Variants in CSPG5 observed in about 807,000 individuals in gnomAD.
The protein encoded by CSPG5 is acidic leucine-rich EGF-like domain-containing brain protein.
Under a neutral mutation model 39.8 loss-of-function variants are expected in CSPG5, and 25 were observed. The ratio of observed to expected loss-of-function variants is 0.63; its 90% CI spans 0.46 to 0.88. The LOEUF (loss-of-function observed/expected upper bound fraction) is 0.88, where lower values mean the gene tolerates loss of function less well. Among genes scored for constraint, CSPG5 ranks in the 40% least tolerant of loss-of-function variants. The probability of loss-of-function intolerance (pLI) is 0.00; values close to 1 mark genes in which losing one functional copy is unlikely to be tolerated. For missense variants in CSPG5, 627 were observed against 702.2 expected (o/e 0.89, Z 1.21); for synonymous variants, 295 against 303.9 (o/e 0.97, Z 0.31).
chr3:47,574,755 C>T (rs1003177709), intron 2 of CSPG5, among the ~76,000 whole-genome samples: 5 of 152,010 alleles, frequency 3.3e-5, no homozygotes, highest in Admixed American at 6.6e-5. Context: ...CTGGCTAACA[C>T]AGTGAAATCC....
Position 47,577,623 on chromosome 3 carries a change from C to A in CSPG5, c.403G>T (p.Gly135Trp), listed in dbSNP as rs1416588099. 1.9e-6 allele frequency: 3 copies of A among 1,610,706 alleles called. No individual in the cohort carries two copies. The highest frequency in any genetic ancestry group is 2.2e-5 in the South Asian group (2 of 90,934). Residue 135 changes from glycine to tryptophan, a missense_variant, in exon 2 of 5, where the codon GGG becomes TGG. Gly to Trp is a radical substitution (Grantham distance 184, BLOSUM62 -2). Transcript: ENST00000264723. This position sits in a 1 kb window ranked among gnomAD's most constrained non-coding sequence, Gnocchi z 4.7. ...ATLQAPHEVL[G>W]QSIMPPAIPE... is the part of the protein sequence containing the mutation. ...ATGGCAGGGGGCATGATTGACTGCC[C>A]GAGGACCTCGTGGGGAGCCTGGAGC... is the stretch of plus-strand genomic sequence containing the variant.
chr3:47,573,664 C>G (rs1049474567), intron 2 of CSPG5, among the ~76,000 whole-genome samples: 2 of 152,146 alleles, frequency 1.3e-5, no homozygotes, highest in Non-Finnish European at 2.9e-5. Flanking sequence ...TGGAAGGATA[C>G]AGAGGCAGGC....
chr3:47,569,237 A>G lies in CSPG5; in HGVS notation c.1383-10T>C. Reference sequence around the variant, plus strand: ...TGGGGTCCGGAATTTGCTGGTTAGGAGAGAAGAGTGAAGGAAACATGTAAG... The same window carrying G: ...TGGGGTCCGGAATTTGCTGGTTAGGGGAGAAGAGTGAAGGAAACATGTAAG... On this transcript the variant is annotated splice_polypyrimidine_tract_variant and intron_variant, in intron 3 of 4. Transcript: ENST00000264723. 1 of 1,612,924 alleles carries G rather than the reference A, an allele frequency of 6.2e-7. No individual in the cohort carries two copies. Among genetic ancestry groups the G allele is most frequent in the Non-Finnish European group, 8.5e-7 (1 of 1,179,152 alleles).
At chr3:47,563,704 C>T (rs1202277852) in intron 4 of CSPG5, among the ~76,000 whole-genome samples, 2 of 152,056 alleles carry the variant, frequency 1.3e-5, no homozygotes, top group African/African-American at 4.8e-5. Context: ...TATAGGCGCT[C>T]GTGACCATGC....
chr3:47,564,032 C>A (rs1161220621), intron 4 of CSPG5, among the ~76,000 whole-genome samples: 12 of 152,172 alleles, frequency 7.9e-5, no homozygotes, highest in Non-Finnish European at 1.5e-4. Flanking sequence ...TCTGGTGCCC[C>A]AAATAGCTGT....
In CSPG5 at chr3:47,577,858, G is replaced by A. The variant is rs1339867919; in HGVS notation, c.168C>T (p.Ala56=). Residue 56 remains alanine, a synonymous_variant, in exon 2 of 5, where the codon GCC becomes GCT. Transcript: ENST00000264723. The surrounding 1 kb of genome is among the most constrained non-coding windows in gnomAD (Gnocchi z 4.7). ...VKGSPAWEPP[A]NDTREEAGPP... Reference sequence around the variant, plus strand: ...GGCCGGCTTCTTCCCGCGTGTCGTTGGCAGGCGGCTCCCACGCCGGGCTGC... The same window carrying A: ...GGCCGGCTTCTTCCCGCGTGTCGTTAGCAGGCGGCTCCCACGCCGGGCTGC... The A allele has an allele frequency of 1.3e-6, 2 of 1,535,384 alleles. No individual in the cohort carries two copies. Among genetic ancestry groups the A allele is most frequent in the African/African-American group, 2.8e-5 (2 of 71,226 alleles).
chr3:47,577,286 G>A lies in CSPG5; in HGVS notation c.740C>T (p.Ser247Phe). ...NHPDTEGETP[S>F]WSLLDLYDDF... ...ATCGTATAAGTCAAGCAGGCTCCAG[G>A]AAGGGGTCTCTCCCTCAGTATCAGG... Residue 247 changes from serine (S) to phenylalanine (F), a missense_variant, in exon 2 of 5, where the codon TCC becomes TTC. Ser to Phe is a radical substitution (Grantham distance 155). Transcript: ENST00000264723. This position sits in a 1 kb window ranked among gnomAD's most constrained non-coding sequence, Gnocchi z 4.7. The A allele has an allele frequency of 6.2e-7, 1 of 1,613,670 alleles. No individual in the cohort carries two copies. Among genetic ancestry groups the A allele is most frequent in the Non-Finnish European group, 8.5e-7 (1 of 1,179,774 alleles).
rs144570607 is a variant in CSPG5, at chr3:47,570,696, C to T, written c.1383-1469G>A. On this transcript the variant is annotated intron_variant, in intron 3 of 4. Coordinates refer to ENST00000264723, the MANE Select transcript of CSPG5 (RefSeq NM_006574.4). ...CTATTTTTTGTATTTTTAGTAGAGA[C>T]GGGGTTTCACCATCTTGGCCAGGCT... is the stretch of plus-strand genomic sequence containing the variant. Among the ~76,000 whole-genome samples the T allele has an allele frequency of 4.3e-3, 648 of 151,978 alleles. 8 individuals carry two copies. Among genetic ancestry groups the T allele is most frequent in the African/African-American group, 0.015 (622 of 41,454 alleles).
intron 4 of CSPG5, 118 bp from the exon 5 acceptor site, chr3:47,562,879 A>G: frequency 9.1e-7 from 1 of 1,098,432 alleles, no homozygotes; most frequent in African/African-American, 1.6e-5. Context: ...AAGCTCCAAG[A>G]CTTGAATGAA....
chr3:47,573,670 C>G (rs1033896258), intron 2 of CSPG5, among the ~76,000 whole-genome samples: 1 of 152,116 alleles, frequency 6.6e-6, no homozygotes, highest in African/African-American at 2.4e-5. Flanking sequence ...GATACAGAGG[C>G]AGGCAAAGGA....
chr3:47,563,356 AG>A (rs1432570179), intron 4 of CSPG5, among the ~76,000 whole-genome samples: 19 of 152,172 alleles, frequency 1.2e-4, no homozygotes, highest in Non-Finnish European at 2.2e-4. Flanking sequence ...CTAGCTAAAA[AG>A]GTATGTCCTC....
intron 4 of CSPG5, among the ~76,000 whole-genome samples, chr3:47,566,636 G>C (rs907038154): frequency 6.6e-6 from 1 of 152,158 alleles, no homozygotes; most frequent in Non-Finnish European, 1.5e-5. Context: ...ACAAGCTGAC[G>C]GAAAGACACC....
chr3:47,563,270 G>A (rs183709125), intron 4 of CSPG5, among the ~76,000 whole-genome samples: 4 of 152,322 alleles, frequency 2.6e-5, no homozygotes, highest in Admixed American at 2.0e-4. Context: ...TCTCCCCACA[G>A]TAAGAGCATC....
chr3:47,567,459 C>T (rs998138576), intron 4 of CSPG5, among the ~76,000 whole-genome samples: 4 of 152,088 alleles, frequency 2.6e-5, no homozygotes, highest in African/African-American at 4.8e-5. Context: ...ATAGTGTTTC[C>T]TTGGTTATAA....
At chr3:47,570,847 T>A (rs945264920) in intron 3 of CSPG5, among the ~76,000 whole-genome samples, 1 of 152,166 alleles carries the variant, frequency 6.6e-6, no homozygotes, top group African/African-American at 2.4e-5. Flanking sequence ...TTGAAGTAGT[T>A]CATTTAGACT....
intron 2 of CSPG5, among the ~76,000 whole-genome samples, chr3:47,576,146 A>AT (rs2031720178): frequency 6.6e-6 from 1 of 151,950 alleles, no homozygotes; most frequent in Non-Finnish European, 1.5e-5. Context: ...CATGTTGGTC[A>AT]GGCTGGTCTC....
rs1038274349 is a variant in CSPG5 at position 47,577,652 on chromosome 3, G to C, written c.374C>G (p.Ala125Gly). The C allele has an allele frequency of 6.2e-7, 1 of 1,607,790 alleles. No individual in the cohort carries two copies. Among genetic ancestry groups the C allele is most frequent in the Non-Finnish European group, 8.5e-7 (1 of 1,178,194 alleles). Residue 125 changes from alanine to glycine, a missense_variant, in exon 2 of 5, where the codon GCT (alanine) becomes GGT (glycine). Ala to Gly is a moderately conservative substitution (Grantham distance 60). Transcript: ENST00000264723. The surrounding 1 kb of genome is among the most constrained non-coding windows in gnomAD (Gnocchi z 4.7). Reference protein sequence around the residue: ...AGSGDAQALPATLQAPHEVLG... With the variant: ...AGSGDAQALPGTLQAPHEVLG... ...GACCTCGTGGGGAGCCTGGAGCGTA[G>C]CTGGAAGGGCCTGGGCATCGCCGCT...
At chr3:47,569,312 A>G (rs2031437260) in intron 3 of CSPG5, 85 bp from the exon 4 acceptor site, 12 of 1,439,310 alleles carry the variant, frequency 8.3e-6, no homozygotes, top group Non-Finnish European at 1.2e-5. Flanking sequence ...TGGATCAAAT[A>G]CTGTATTTCG....
At position 47,569,134 on chromosome 3, in the gene CSPG5, G is replaced by C. The variant is rs780419570; in HGVS notation, c.1458+18C>G. ...CATGGGGGGAGGAGGTACGGGGAGT[G>C]TTGCAAAGTTTCCTTACATTTGGGT... On this transcript the variant is annotated intron_variant, in intron 4 of 4. Coordinates refer to ENST00000264723, the MANE Select transcript of CSPG5 (RefSeq NM_006574.4). 1.2e-6 allele frequency: 2 copies of C among 1,606,924 alleles called. No homozygotes were observed. Among genetic ancestry groups the C allele is most frequent in the Non-Finnish European group, 1.7e-6 (2 of 1,177,080 alleles).
Sources: gnomAD v4.1 joint callset for allele counts (sites outside exome capture counted in the v4.1 genomes callset) on GRCh38, gnomAD v4.1.1 for gene constraint, Gnocchi (gnomAD v3.1) non-coding constraint, MANE v1.5 for transcripts, NCBI Gene and HGNC (gene_info 2026-07-23, HGNC 2026-07-21) for gene names.